The following CA8 variants were observed in gnomAD, a reference collection of about 807,000 sequenced individuals.
CA8 encodes carbonic anhydrase-related protein.
In CA8, 22 loss-of-function variants were observed where a neutral mutation model predicts 41.4. The observed-to-expected ratio is 0.53, with a 90% CI of 0.38 to 0.76. The LOEUF is 0.76. Ranked by LOEUF, CA8 falls within the 30% of genes least tolerant of loss-of-function variation. CA8 has a pLI of 0.00. For synonymous variants in CA8, 121 were observed against 130.6 expected, an observed-to-expected ratio of 0.93 and a Z score of 0.50; for missense variants, 270 against 352.8, an observed-to-expected ratio of 0.77 and a Z score of 1.88.
intron 3 of CA8, among the ~76,000 whole-genome samples, chr8:60,260,948 A>G (rs1803713954): frequency 6.6e-6 from 1 of 152,164 alleles, no homozygotes; most frequent in Non-Finnish European, 1.5e-5. Flanking sequence ...TCTCCTTAGA[A>G]TAGTAAAATA....
chr8:60,208,122 T>A lies in CA8; in HGVS notation c.*35+628A>T, dbSNP rs994600936. On this transcript the variant is annotated intron_variant, in intron 8 of 8. Transcript: ENST00000317995. ...TCCGTGTTTGTGATATTTTATTTTGTTAGTTCCTTAAGAGTAAGGAATACA... is the reference window on the plus strand; with the variant it reads ...TCCGTGTTTGTGATATTTTATTTTGATAGTTCCTTAAGAGTAAGGAATACA... The A allele has an allele frequency of 1.4e-4, 22 of 152,434 alleles. 1 individual carries two copies. The highest frequency in any genetic ancestry group is 4.4e-5 in the Non-Finnish European group (3 of 68,204). 9.4% of individuals were successfully genotyped at this position (152,434 alleles called of 1,614,324 possible).
At chr8:60,211,177 A>G (rs1361266670) in intron 7 of CA8, among the ~76,000 whole-genome samples, 3 of 152,208 alleles carry the variant, frequency 2.0e-5, no homozygotes, top group African/African-American at 7.2e-5. Context: ...TAGCCTAGGA[A>G]ATAAGAAAGA....
At chr8:60,211,635 A>G (rs1806839546) in intron 7 of CA8, among the ~76,000 whole-genome samples, 1 of 152,270 alleles carries the variant, frequency 6.6e-6, no homozygotes, top group Non-Finnish European at 1.5e-5. Flanking sequence ...CTTCTTCCAG[A>G]AGAGATGATC....
chr8:60,194,606 G>A (rs888984798), intron 8 of CA8, among the ~76,000 whole-genome samples: 4 of 152,096 alleles, frequency 2.6e-5, no homozygotes, highest in African/African-American at 9.7e-5. Flanking sequence ...GCTTTGGAGG[G>A]GGCTGAGAGA....
In CA8 at chr8:60,281,011, C is replaced by T. The variant is rs74792169; in HGVS notation, c.100+37G>A. 204,902 of 1,501,346 alleles carry T rather than the reference C, an allele frequency of 0.14. 15,331 individuals carry two copies. Among genetic ancestry groups the T allele is most frequent in the East Asian group, 0.23 (10,403 of 44,280 alleles). The allele number at this position is 1,501,346 out of a possible 1,614,324, so 93.0% of individuals were successfully genotyped here. ...GCGCTCGGCGAGACACTGACGCCGC[C>T]GCGGGACCCCGGACACCCCGACTCG... On this transcript the variant is annotated intron_variant, in intron 1 of 8. Transcript: ENST00000317995.
At chr8:60,270,232 G>A (rs1325853311) in intron 2 of CA8, among the ~76,000 whole-genome samples, 1 of 152,072 alleles carries the variant, frequency 6.6e-6, no homozygotes, top group African/African-American at 2.4e-5. Flanking sequence ...AATAACAAAG[G>A]GTAAGCCTAA....
At chr8:60,210,648 G>A (rs939997754) in intron 7 of CA8, among the ~76,000 whole-genome samples, 5 of 150,868 alleles carry the variant, frequency 3.3e-5, no homozygotes, top group Admixed American at 6.6e-5. Flanking sequence ...ACTTACATGC[G>A]CTTCGAATGT....
At chr8:60,205,573 A>T (rs976505772) in intron 8 of CA8, among the ~76,000 whole-genome samples, 4 of 152,166 alleles carry the variant, frequency 2.6e-5, no homozygotes, top group African/African-American at 9.6e-5. Flanking sequence ...GCACCCATAA[A>T]TCTGAATTAG....
At chr8:60,261,305 G>A (rs1803725339) in intron 3 of CA8, among the ~76,000 whole-genome samples, 1 of 152,134 alleles carries the variant, frequency 6.6e-6, no homozygotes, top group African/African-American at 2.4e-5. Flanking sequence ...CTGGTATGTG[G>A]CACAATCATC....
chr8:60,246,089 G>C (rs1252009718), intron 3 of CA8, among the ~76,000 whole-genome samples: 1 of 152,116 alleles, frequency 6.6e-6, no homozygotes, highest in African/African-American at 2.4e-5. Context: ...GGACTGACTA[G>C]AGACTCGACT....
At chr8:60,224,738 A>T (rs1173690240) in intron 5 of CA8, among the ~76,000 whole-genome samples, 153 bp from the exon 6 acceptor site, 1 of 152,086 alleles carries the variant, frequency 6.6e-6, no homozygotes, top group African/African-American at 2.4e-5. Context: ...CCACCTTCTC[A>T]TTGGAGTAAC....
At position 60,266,003 on chromosome 8, in the gene CA8, G is replaced by A. The variant is rs779371302; in HGVS notation, c.339C>T (p.Tyr113=). ...CTCTTCCCCAGTGAAATCTCACTTC[G>A]TACAGTTCAAATTCATGCCCTTGAG... ...PLPQGHEFEL[Y]EVRFHWGREN... The change falls in exon 3 of 9, where the codon TAC becomes TAT. Residue 113 remains tyrosine (Y), a synonymous_variant. Coordinates refer to ENST00000317995, the MANE Select transcript of CA8 (RefSeq NM_004056.6). 3.0e-5 allele frequency: 49 copies of A among 1,613,442 alleles called. No individual in the cohort carries two copies. Among genetic ancestry groups the A allele is most frequent in the South Asian group, 2.0e-4 (18 of 91,070 alleles).
At chr8:60,257,773 G>C (rs1463106285) in intron 3 of CA8, among the ~76,000 whole-genome samples, 1 of 152,218 alleles carries the variant, frequency 6.6e-6, no homozygotes, top group East Asian at 1.9e-4. Context: ...CCACATAGTA[G>C]TTGATAAATA....
intron 3 of CA8, among the ~76,000 whole-genome samples, chr8:60,237,224 T>C (rs1199134408): frequency 4.6e-5 from 7 of 152,376 alleles, no homozygotes; most frequent in African/African-American, 1.2e-4. Flanking sequence ...TCTTTCAGCA[T>C]GTCTCTCTGT....
intron 3 of CA8, among the ~76,000 whole-genome samples, chr8:60,242,795 C>T (rs189240815): frequency 2.0e-5 from 3 of 152,314 alleles, no homozygotes; most frequent in South Asian, 2.1e-4. Flanking sequence ...GAGCAGAATC[C>T]GAGTCAGAGA....
chr8:60,219,112 C>G (rs964271055), intron 7 of CA8, among the ~76,000 whole-genome samples: 8 of 151,856 alleles, frequency 5.3e-5, no homozygotes, highest in African/African-American at 1.7e-4. Flanking sequence ...CTACTTGACT[C>G]TTCTCTGTAC....
At chr8:60,255,814 A>C (rs1808616006) in intron 3 of CA8, among the ~76,000 whole-genome samples, 1 of 152,238 alleles carries the variant, frequency 6.6e-6, no homozygotes, top group South Asian at 2.1e-4. Flanking sequence ...TGTTTTTAGA[A>C]AGCACTTCAA....
At chr8:60,208,015 G>C (rs968837418) in intron 8 of CA8, 3 of 152,162 alleles carry the variant, frequency 2.0e-5, no homozygotes, top group African/African-American at 7.2e-5. Context: ...GTTTGCCAGT[G>C]ATGTACAATG....
intron 3 of CA8, among the ~76,000 whole-genome samples, chr8:60,252,514 T>C (rs1808489966): frequency 6.6e-6 from 1 of 152,246 alleles, no homozygotes; most frequent in African/African-American, 2.4e-5. Context: ...CACTCTTCTG[T>C]TGTGGGGAGG....
Sources: allele counts gnomAD v4.1 joint callset (sites outside exome capture counted in the v4.1 genomes callset), GRCh38; gene constraint gnomAD v4.1.1; transcripts MANE v1.5; gene names NCBI Gene and HGNC (gene_info 2026-07-23, HGNC 2026-07-21).